NPLOC4: variants seen among roughly 807,000 people sequenced by gnomAD.
The protein encoded by NPLOC4 is NPL4 homolog, ubiquitin recognition factor, also known as nuclear protein localization protein 4 homolog.
A neutral mutation model predicts 80.6 loss-of-function variants in NPLOC4; 18 were observed. The ratio of observed to expected loss-of-function variants is 0.22; its 90% CI spans 0.15 to 0.33. NPLOC4 has a LOEUF of 0.33. Among genes scored for constraint, NPLOC4 ranks in the 10% least tolerant of loss-of-function variants. The pLI is 1.00. For synonymous variants in NPLOC4, 313 were observed against 301.5 expected (o/e 1.04, Z -0.39); for missense variants, 540 against 786.1 (o/e 0.69, Z 3.74).
chr17:81,586,692 C>G lies in NPLOC4; in HGVS notation c.1281+2252G>C, dbSNP rs1346825257. Among the ~76,000 whole-genome samples the G allele has an allele frequency of 2.6e-5, 4 of 151,512 alleles. No individual in the cohort carries two copies. The East Asian group carries it at 7.7e-4, about 29-fold the overall frequency. On this transcript the variant is annotated intron_variant, in intron 12 of 16. Coordinates refer to ENST00000331134, the MANE Select transcript of NPLOC4 (RefSeq NM_017921.4). ...TAAGCTGTATGAGGCATGAGGAAAACAAGAAACTTCTGGACAGACTGTATC... is the reference window on the plus strand; with the variant it reads ...TAAGCTGTATGAGGCATGAGGAAAAGAAGAAACTTCTGGACAGACTGTATC...
At chr17:81,559,777 G>A (rs2033791032) in intron 16 of NPLOC4, among the ~76,000 whole-genome samples, 1 of 139,840 alleles carries the variant, frequency 7.2e-6, no homozygotes, top group Admixed American at 7.6e-5. Context: ...CTGTCACCCA[G>A]GCTGGAGTGC....
intron 3 of NPLOC4, chr17:81,614,289 AAAAAAAAG>A (rs1440251663): frequency 6.6e-6 from 1 of 151,832 alleles, no homozygotes; most frequent in Non-Finnish European, 1.5e-5. Context: ...AAAAAAAAAA[AAAAAAAAG>A]TGGGATTACC....
chr17:81,587,065 A>G (rs2034599151), intron 12 of NPLOC4, among the ~76,000 whole-genome samples: 1 of 152,260 alleles, frequency 6.6e-6, no homozygotes, highest in East Asian at 1.9e-4. Context: ...GGTCCACGGA[A>G]AACACATTGC....
At chr17:81,587,713 C>A (rs1381361279) in intron 12 of NPLOC4, among the ~76,000 whole-genome samples, 7 of 109,126 alleles carry the variant, frequency 6.4e-5, no homozygotes, top group South Asian at 3.2e-4. Context: ...TAGCTCTGTT[C>A]CCCAGGCTGG....
chr17:81,616,839 A>G (rs1598673169), intron 3 of NPLOC4, among the ~76,000 whole-genome samples: 1 of 152,328 alleles, frequency 6.6e-6, no homozygotes, highest in East Asian at 1.9e-4. Flanking sequence ...ATGAGACCGA[A>G]TATCAACCTC....
rs569623141 is a variant in NPLOC4, at chr17:81,599,507, G to C, written c.921+834C>G. ...ACAGGATGTTTCTTTCCTAAAGACA[G>C]TAAAACTGTGTGGACTGCTCACTGA... On this transcript the variant is annotated intron_variant, in intron 9 of 16. Transcript: ENST00000331134. Among the ~76,000 whole-genome samples, 22 of 152,246 alleles carry C rather than the reference G, an allele frequency of 1.4e-4. No homozygotes were observed. The East Asian group carries it at 3.9e-3, about 27-fold the overall frequency.
rs1164753539 is a variant in NPLOC4 at position 81,600,447 on chromosome 17, G to C, written c.835-20C>G. On this transcript the variant is annotated intron_variant, in intron 8 of 16. Transcript: ENST00000331134. ...ACCAATCTGCAGGGAATCAAAGGGA[G>C]AAGATGGACTTAGAGCAGAGGGCTC... 4 of 1,596,112 alleles carry C rather than the reference G, an allele frequency of 2.5e-6. No individual in the cohort carries two copies. Among genetic ancestry groups the C allele is most frequent in the African/African-American group, 1.3e-5 (1 of 74,580 alleles).
At chr17:81,565,375 G>A (rs1568115896) in intron 16 of NPLOC4, 130 bp downstream of exon 16, 1 of 822,012 alleles carries the variant, frequency 1.2e-6, no homozygotes, top group Non-Finnish European at 2.0e-6. Context: ...TCGTTGCATT[G>A]CCGATGGCAC....
chr17:81,598,165 T>C, intron 9 of NPLOC4, among the ~76,000 whole-genome samples: 1 of 151,428 alleles, frequency 6.6e-6, no homozygotes, highest in Non-Finnish European at 1.5e-5. Flanking sequence ...TTAAAAAGAA[T>C]GTTCTCAGTC....
At chr17:81,619,552 A>AG (rs201676312) in intron 3 of NPLOC4, among the ~76,000 whole-genome samples, 11,092 of 115,198 alleles carry the variant, frequency 0.096, 511 homozygotes, top group Middle Eastern at 0.19. Flanking sequence ...CTCTGTCTCA[A>AG]GAAAAAAAAA....
chr17:81,566,042 A>G (rs2034002688), intron 15 of NPLOC4, among the ~76,000 whole-genome samples: 1 of 152,182 alleles, frequency 6.6e-6, no homozygotes, highest in South Asian at 2.1e-4. Context: ...GCAGGGGATT[A>G]ATGCATTAAG....
At chr17:81,629,327 G>T (rs2035874698) in intron 2 of NPLOC4, among the ~76,000 whole-genome samples, 1 of 151,630 alleles carries the variant, frequency 6.6e-6, no homozygotes, top group Non-Finnish European at 1.5e-5. Context: ...AAGTAGCTGG[G>T]ATTACAGGCA....
chr17:81,635,540 T>G (rs2036044308), intron 1 of NPLOC4, among the ~76,000 whole-genome samples: 1 of 151,888 alleles, frequency 6.6e-6, no homozygotes, highest in Non-Finnish European at 1.5e-5. Flanking sequence ...ACCCATTTGT[T>G]TGTGTGTGTG....
rs138475619 is a variant in NPLOC4, at chr17:81,608,650, G to A, written c.530+78C>T. 1,845 of 1,013,414 alleles carry A rather than the reference G, an allele frequency of 1.8e-3. 2 individuals are homozygous for A. Among genetic ancestry groups the A allele is most frequent in the Admixed American group, 2.5e-3 (124 of 50,128 alleles). 62.8% of individuals were successfully genotyped at this position (1,013,414 alleles called of 1,614,324 possible). On this transcript the variant is annotated intron_variant, in intron 6 of 16. Transcript: ENST00000331134. The stretch of plus-strand genomic sequence containing the variant: ...TCATCTTTACTTCTCTCATTCACAC[G>A]TTCACTGGCTATAAGCAACAACTGC...
intron 12 of NPLOC4, among the ~76,000 whole-genome samples, chr17:81,578,913 T>C (rs933052094): frequency 2.6e-5 from 4 of 152,264 alleles, no homozygotes; most frequent in African/African-American, 9.6e-5. Flanking sequence ...ATTTCATATT[T>C]AAAATGTTCC....
intron 16 of NPLOC4, chr17:81,563,658 A>G (rs915608273): frequency 3.7e-6 from 1 of 268,000 alleles, no homozygotes; most frequent in Admixed American, 5.2e-5. Flanking sequence ...GCTCCCAGGT[A>G]TAATCTCAGG....
chr17:81,592,852 C>T (rs2034786736), intron 11 of NPLOC4, among the ~76,000 whole-genome samples: 1 of 152,164 alleles, frequency 6.6e-6, no homozygotes, highest in South Asian at 2.1e-4. Context: ...GGTGTGTTGG[C>T]ATGCGCCTGT....
intron 3 of NPLOC4, among the ~76,000 whole-genome samples, chr17:81,618,109 T>G (rs1259970912): frequency 1.3e-5 from 2 of 151,278 alleles, no homozygotes; most frequent in Non-Finnish European, 2.9e-5. Flanking sequence ...CCTCTCTGCC[T>G]GGCCGCCCAT....
intron 7 of NPLOC4, 90 bp downstream of exon 7, chr17:81,606,601 T>C (rs2035210220): frequency 1.4e-6 from 2 of 1,401,662 alleles, no homozygotes; most frequent in South Asian, 2.6e-5. Context: ...CCACGCATAG[T>C]GCTAATAGCA....
Sources: allele counts gnomAD v4.1 joint callset (sites outside exome capture counted in the v4.1 genomes callset), GRCh38; gene constraint gnomAD v4.1.1; transcripts MANE v1.5; gene names NCBI Gene and HGNC (gene_info 2026-07-23, HGNC 2026-07-21).